Variants in PCDHGA7 observed in about 807,000 individuals in gnomAD.
PCDHGA7 encodes protocadherin gamma-A7.
PCDHGA7 carries 44 observed loss-of-function variants against 58.3 expected under a neutral mutation model. The observed-to-expected ratio is 0.75, with a 90% CI of 0.59 to 0.97. The LOEUF is 0.97. PCDHGA7 is among the 50% of genes least tolerant of loss of function. The pLI is 0.00. For missense variants in PCDHGA7, 1,266 were observed against 1,188.7 expected (o/e 1.06, Z -0.96); for synonymous variants, 516 against 504.2 (o/e 1.02, Z -0.31).
chr5:141,387,717 C>T (rs2091056709), intron 1 of PCDHGA7: 1 of 1,093,268 alleles, frequency 9.1e-7, no homozygotes, highest in African/African-American at 1.6e-5. Context: ...CCAGCTCAGA[C>T]TCCCCAGCGC....
rs1427742903 is a variant in PCDHGA7 at position 141,477,916 on chromosome 5, A to G, written c.2425-16891A>G. On this transcript the variant is annotated intron_variant, in intron 1 of 3. Coordinates refer to ENST00000518325, the MANE Select transcript of PCDHGA7 (RefSeq NM_018920.4). This position sits in a 1 kb window ranked among gnomAD's most constrained non-coding sequence, Gnocchi z 4.9. ...GGGTGGTAGGCTGGGACGCGGATGC[A>G]GGGCACAATGCCTGGCTCTCCTACA... The G allele has an allele frequency of 1.2e-6, 2 of 1,614,042 alleles. No homozygotes were observed. The highest frequency in any genetic ancestry group is 2.7e-5 in the African/African-American group (2 of 74,932).
intron 1 of PCDHGA7, among the ~76,000 whole-genome samples, chr5:141,456,059 G>A (rs1200043527): frequency 1.3e-5 from 2 of 151,662 alleles, no homozygotes; most frequent in Non-Finnish European, 1.5e-5. Flanking sequence ...CACCACGTCC[G>A]GCTAATTTTT....
intron 1 of PCDHGA7, chr5:141,421,945 A>T: frequency 2.5e-6 from 4 of 1,613,342 alleles, no homozygotes; most frequent in Non-Finnish European, 3.4e-6. Context: ...AAATGATCAC[A>T]TCCCAATGTT....
intron 1 of PCDHGA7, chr5:141,430,452 A>G (rs566189732): frequency 2.0e-3 from 408 of 202,442 alleles, no homozygotes; most frequent in South Asian, 3.8e-3. Context: ...CCTTTTGAAG[A>G]ACAGTAGGTG....
Position 141,390,867 on chromosome 5 carries a change from C to T in PCDHGA7, c.2424+5544C>T, listed in dbSNP as rs370388746. On this transcript the variant is annotated intron_variant, in intron 1 of 3. Transcript: ENST00000518325. Reference sequence around the variant, plus strand: ...TTATATGCAGTGTACGCTGTGTGTGCGTGTGTGTGTGTGTGTGTGTGAGAG... The same window carrying T: ...TTATATGCAGTGTACGCTGTGTGTGTGTGTGTGTGTGTGTGTGTGTGAGAG... The T allele has an allele frequency of 2.6e-4, 39 of 151,156 alleles. No homozygotes were observed. In the South Asian group the frequency reaches 4.4e-3, roughly 17 times the overall value. 9.4% of individuals were successfully genotyped at this position (151,156 alleles called of 1,614,324 possible).
chr5:141,507,661 C>T (rs1328943034), intron 3 of PCDHGA7, among the ~76,000 whole-genome samples: 1 of 152,236 alleles, frequency 6.6e-6, no homozygotes, highest in Non-Finnish European at 1.5e-5. Context: ...GCTTTTTAGC[C>T]TAAATCCAGA....
At position 141,431,636 on chromosome 5, in the gene PCDHGA7, A is replaced by C; in HGVS notation, c.2424+46313A>C. 1 of 1,614,254 alleles carries C rather than the reference A, an allele frequency of 6.2e-7. No individual in the cohort carries two copies. On this transcript the variant is annotated intron_variant, in intron 1 of 3. Transcript: ENST00000518325. This position sits in a 1 kb window ranked among gnomAD's most constrained non-coding sequence, Gnocchi z 4.8. ...GGACGACAAGGCGGCCCAAGTTTTC[A>C]AACTAGATTGTAATTCAGGGACAAT... is the stretch of plus-strand genomic sequence containing the variant.
intron 1 of PCDHGA7, chr5:141,427,783 C>T (rs765131117): frequency 1.4e-6 from 2 of 1,460,966 alleles, no homozygotes; most frequent in Non-Finnish European, 1.9e-6. Flanking sequence ...CGGGCACTGT[C>T]GTCCTACGTG....
chr5:141,409,304 C>T, intron 1 of PCDHGA7: 2 of 1,613,954 alleles, frequency 1.2e-6, no homozygotes, highest in Non-Finnish European at 1.7e-6. Flanking sequence ...GGTTGTTGCC[C>T]TCTTCAAAAC....
chr5:141,408,230 C>G (rs1470965375), intron 1 of PCDHGA7: 1 of 1,566,168 alleles, frequency 6.4e-7, no homozygotes, highest in Non-Finnish European at 8.7e-7. Flanking sequence ...GCAGAGGCGC[C>G]GGGCCGGCCC....
intron 1 of PCDHGA7, chr5:141,399,723 C>T: frequency 6.2e-7 from 1 of 1,613,322 alleles, no homozygotes; most frequent in Non-Finnish European, 8.5e-7. Flanking sequence ...AGGCCCGCGA[C>T]CAGGGCTCGC....
At position 141,419,312 on chromosome 5, in the gene PCDHGA7, G is replaced by C. The variant is rs35892780; in HGVS notation, c.2424+33989G>C. On this transcript the variant is annotated intron_variant, in intron 1 of 3. Transcript: ENST00000518325. ...CTCTGACCCAGACTTCGGGCTCAAC[G>C]GCCGTGTCTCCTACTCTCTCATTGC... 1.0e-3 allele frequency: 1,689 copies of C among 1,613,962 alleles called. 4 individuals are homozygous for C. Among genetic ancestry groups the C allele is most frequent in the Middle Eastern group, 5.3e-3 (32 of 6,062 alleles).
chr5:141,478,849 C>A, intron 1 of PCDHGA7: 1 of 1,375,282 alleles, frequency 7.3e-7, no homozygotes, highest in Non-Finnish European at 9.6e-7. Flanking sequence ...TAAGCTAAAA[C>A]ACAAGATCTC....
At position 141,432,476 on chromosome 5, in the gene PCDHGA7, A is replaced by T. The variant is rs778378071; in HGVS notation, c.2424+47153A>T. On this transcript the variant is annotated intron_variant, in intron 1 of 3. Transcript: ENST00000518325. This position sits in a 1 kb window ranked among gnomAD's most constrained non-coding sequence, Gnocchi z 6.0. ...CCCCGCCCTCCCCACGGACGGTTCC[A>T]CTGGCGTGGAGCTGGCTCCCCGCTC... 4.6e-5 allele frequency: 75 copies of T among 1,613,962 alleles called. No homozygotes were observed. In the South Asian group the frequency reaches 7.9e-4, roughly 17 times the overall value.
intron 3 of PCDHGA7, among the ~76,000 whole-genome samples, chr5:141,510,244 G>A (rs549784078): frequency 6.6e-6 from 1 of 151,116 alleles, no homozygotes; most frequent in African/African-American, 2.4e-5. Flanking sequence ...CTGCACTCCA[G>A]GCTGGGCGAC....
At position 141,485,225 on chromosome 5, in the gene PCDHGA7, T is replaced by C; in HGVS notation, c.2425-9582T>C. The C allele has an allele frequency of 1.2e-6, 2 of 1,614,156 alleles. No homozygotes were observed. Among genetic ancestry groups the C allele is most frequent in the Non-Finnish European group, 1.7e-6 (2 of 1,180,010 alleles). On this transcript the variant is annotated intron_variant, in intron 1 of 3. Coordinates refer to ENST00000518325, the MANE Select transcript of PCDHGA7 (RefSeq NM_018920.4). The surrounding 1 kb of genome is among the most constrained non-coding windows in gnomAD (Gnocchi z 5.7). Reference sequence around the variant, plus strand: ...AGAAATCTGGCGGTGGGCTACCCTTTTGTTCCTCTTTTACCACCTGGGTTA... The same window carrying C: ...AGAAATCTGGCGGTGGGCTACCCTTCTGTTCCTCTTTTACCACCTGGGTTA...
At chr5:141,399,977 T>C (rs1166854292) in intron 1 of PCDHGA7, 1 of 1,612,262 alleles carries the variant, frequency 6.2e-7, no homozygotes, top group African/African-American at 1.3e-5. Flanking sequence ...AGCCTGGGGC[T>C]GCGCACAGGA....
chr5:141,510,435 C>T (rs938448523), intron 3 of PCDHGA7, among the ~76,000 whole-genome samples: 2 of 152,108 alleles, frequency 1.3e-5, no homozygotes, highest in Non-Finnish European at 2.9e-5. Context: ...ATGGCTGCTG[C>T]CCTCCAGGAG....
intron 1 of PCDHGA7, chr5:141,479,269 A>G (rs1279389471): frequency 6.6e-6 from 1 of 152,374 alleles, no homozygotes; most frequent in African/African-American, 2.4e-5. Flanking sequence ...TAAAAGTAAT[A>G]ATTTATTTCA....
Sources: gnomAD v4.1 joint callset for allele counts (sites outside exome capture counted in the v4.1 genomes callset) on GRCh38, gnomAD v4.1.1 for gene constraint, Gnocchi (gnomAD v3.1) non-coding constraint, MANE v1.5 for transcripts, NCBI Gene and HGNC (gene_info 2026-07-23, HGNC 2026-07-21) for gene names.